Variants in BRD4 observed in about 807,000 individuals in gnomAD.
The protein encoded by BRD4 is bromodomain-containing protein 4.
BRD4 carries 16 observed loss-of-function variants against 142.1 expected under a neutral mutation model. The observed-to-expected ratio is 0.11, with a 90% CI of 0.08 to 0.17. The LOEUF (loss-of-function observed/expected upper bound fraction) is 0.17. Among genes scored for constraint, BRD4 ranks in the 10% least tolerant of loss-of-function variants. The probability of loss-of-function intolerance (pLI) is 1.00; values close to 1 mark genes in which losing one functional copy is unlikely to be tolerated. For missense variants in BRD4, 1,424 were observed against 1,810.9 expected, an observed-to-expected ratio of 0.79 and a Z score of 3.88; for synonymous variants, 833 against 707.5, an observed-to-expected ratio of 1.18 and a Z score of -2.82.
At chr19:15,293,211 C>T (rs891517589) in intron 1 of BRD4, among the ~76,000 whole-genome samples, 1 of 152,164 alleles carries the variant, frequency 6.6e-6, no homozygotes, top group Non-Finnish European at 1.5e-5. Flanking sequence ...AAAAAACAAG[C>T]CTGAAACCAT....
At chr19:15,304,816 T>G (rs1388508023) in intron 1 of BRD4, among the ~76,000 whole-genome samples, 1 of 151,838 alleles carries the variant, frequency 6.6e-6, no homozygotes, top group African/African-American at 2.4e-5. Context: ...CGAGAAGAAA[T>G]CGGTAATTCA....
intron 3 of BRD4, 42 bp from the exon 4 acceptor site, chr19:15,267,593 C>T (rs759707813): frequency 1.9e-6 from 3 of 1,600,930 alleles, no homozygotes; most frequent in Non-Finnish European, 2.5e-6. Flanking sequence ...GGGCCCTCCC[C>T]TCCCCACCTC....
chr19:15,331,383 C>A (rs1196383186), intron 1 of BRD4, among the ~76,000 whole-genome samples: 1 of 152,212 alleles, frequency 6.6e-6, no homozygotes, highest in Non-Finnish European at 1.5e-5. Flanking sequence ...TGAATCACAA[C>A]TCCCCCACAT....
intron 2 of BRD4, among the ~76,000 whole-genome samples, chr19:15,269,282 C>CTAG (rs1255020831): frequency 6.6e-6 from 1 of 152,226 alleles, no homozygotes; most frequent in Non-Finnish European, 1.5e-5. Context: ...AGTTTCCAAC[C>CTAG]ACTCTATCTT....
intron 1 of BRD4, among the ~76,000 whole-genome samples, chr19:15,313,871 C>T (rs1461261737): frequency 6.6e-6 from 1 of 152,144 alleles, no homozygotes; most frequent in Non-Finnish European, 1.5e-5. Context: ...AGCACCCAGA[C>T]AATCCCTGGC....
rs2047417281 is a variant in BRD4, at chr19:15,257,044, C to T, written c.1471G>A (p.Asp491Asn). Residue 491 changes from aspartate to asparagine, a missense_variant, in exon 8 of 20, where the codon GAT becomes AAT. Physicochemically the swap from Asp to Asn is conservative, Grantham distance 23. Around this residue, in one of 16 missense-constraint regions of BRD4, gnomAD observed 90 missense variants for 93.2 expected, o/e 0.97. Coordinates refer to ENST00000679869, the MANE Select transcript of BRD4 (RefSeq NM_001379291.1). The part of the protein sequence containing the change: ...APPSSSDSSS[D>N]SSSDSDSSTD... ...GAACTGTCACTGTCCGAGGAGCTAT[C>T]GCTGCTGCTGTCGCTGGATGAGGGC... 1.4e-5 allele frequency: 23 copies of T among 1,599,876 alleles called. No homozygotes were observed. The highest frequency in any genetic ancestry group is 1.9e-5 in the Non-Finnish European group (22 of 1,175,072).
At chr19:15,293,570 T>C (rs1186504808) in intron 1 of BRD4, among the ~76,000 whole-genome samples, 1 of 152,210 alleles carries the variant, frequency 6.6e-6, no homozygotes, top group African/African-American at 2.4e-5. Flanking sequence ...CGTTAGTCTC[T>C]AGTGGATATG....
rs2048012440 is a variant in BRD4, at chr19:15,315,803, CTGAGA to C, written c.-35+16482_-35+16486del. Among the ~76,000 whole-genome samples the C allele has an allele frequency of 4.6e-5, 7 of 151,340 alleles. No individual in the cohort carries two copies. The South Asian group carries it at 1.5e-3, about 32-fold the overall frequency. On this transcript the variant is annotated intron_variant, in intron 1 of 19. Coordinates refer to ENST00000679869, the MANE Select transcript of BRD4 (RefSeq NM_001379291.1). ...CCCGGGAGGTGGAAGCTGCAGTGAG[CTGAGA>C]TCACACCACTGCACTCCAGCCTGGG...
At chr19:15,327,817 A>G (rs2048121986) in intron 1 of BRD4, among the ~76,000 whole-genome samples, 2 of 148,802 alleles carry the variant, frequency 1.3e-5, no homozygotes, top group Non-Finnish European at 1.5e-5. Flanking sequence ...TATCCATAAC[A>G]GGCAGATCCA....
rs2047419765 is a variant in BRD4 at position 15,257,150 on chromosome 19, G to A, written c.1365C>T (p.Ala455=). The change falls in exon 8 of 20, where the codon GCC becomes GCT. Residue 455 remains alanine, a synonymous_variant. Coordinates refer to ENST00000679869, the MANE Select transcript of BRD4 (RefSeq NM_001379291.1). Reference sequence around the variant, plus strand: ...GCTCCTCAGGCTCGTCCGGCATCTTGGCAAAGCGCATTTCGAACACATCCT... The same window carrying A: ...GCTCCTCAGGCTCGTCCGGCATCTTAGCAAAGCGCATTTCGAACACATCCT... The part of the protein sequence containing the change: ...KLQDVFEMRF[A]KMPDEPEEPV... 2.5e-6 allele frequency: 4 copies of A among 1,607,942 alleles called. No individual in the cohort carries two copies. Among genetic ancestry groups the A allele is most frequent in the Non-Finnish European group, 3.4e-6 (4 of 1,179,288 alleles).
Position 15,244,324 on chromosome 19 carries a change from G to A in BRD4, c.2488C>T (p.Leu830=), listed in dbSNP as rs2145515707. The A allele has an allele frequency of 6.2e-7, 1 of 1,600,078 alleles. No homozygotes were observed. Among genetic ancestry groups the A allele is most frequent in the South Asian group, 1.1e-5 (1 of 88,430 alleles). ...IGHFTQPILH[L]PQPELPPHLP... The stretch of plus-strand genomic sequence containing the variant: ...TGAGGGGGCAGCTCAGGCTGCGGCA[G>A]GTGCAGGATGGGCTGGGTGAAGTGG... The change falls in exon 13 of 20, where the codon CTG becomes TTG. Residue 830 remains leucine (L), a synonymous_variant. Coordinates refer to ENST00000679869, the MANE Select transcript of BRD4 (RefSeq NM_001379291.1).
intron 1 of BRD4, among the ~76,000 whole-genome samples, chr19:15,291,863 G>A (rs922928295): frequency 2.0e-5 from 3 of 152,122 alleles, no homozygotes; most frequent in African/African-American, 7.2e-5. Context: ...ACTTTGCCTA[G>A]ACATTGATTT....
intron 1 of BRD4, among the ~76,000 whole-genome samples, chr19:15,315,690 C>T (rs2048010949): frequency 6.6e-6 from 1 of 152,140 alleles, no homozygotes; most frequent in South Asian, 2.1e-4. Flanking sequence ...CTCATCTCCA[C>T]TAAAAATACA....
At chr19:15,262,534 AAAAAAAAAG>A (rs2047483736) in intron 7 of BRD4, among the ~76,000 whole-genome samples, 1 of 141,460 alleles carries the variant, frequency 7.1e-6, no homozygotes, top group African/African-American at 2.9e-5. Context: ...TAAAAAAAAA[AAAAAAAAAG>A]AAAAAAAAAA....
intron 11 of BRD4, 181 bp from the exon 12 acceptor site, chr19:15,244,943 C>A (rs902898980): frequency 4.6e-6 from 5 of 1,086,970 alleles, no homozygotes; most frequent in Admixed American, 5.4e-5. Flanking sequence ...ACATGCGAGG[C>A]ATCACCTACC....
intron 10 of BRD4, 97 bp downstream of exon 10, chr19:15,255,200 G>A (rs938505338): frequency 1.3e-5 from 14 of 1,072,758 alleles, no homozygotes; most frequent in African/African-American, 4.4e-5. Context: ...AAAAAAAAAA[G>A]GGGGGGGGCG....
At chr19:15,295,346 AGGCTT>A (rs1288472529) in intron 1 of BRD4, among the ~76,000 whole-genome samples, 1 of 152,144 alleles carries the variant, frequency 6.6e-6, no homozygotes, top group Non-Finnish European at 1.5e-5. Flanking sequence ...TCAATACACT[AGGCTT>A]TCTCTGCCGG....
chr19:15,253,470 G>A, intron 11 of BRD4: 2 of 1,347,084 alleles, frequency 1.5e-6, no homozygotes, highest in Non-Finnish European at 1.0e-6. Flanking sequence ...CCAACGTGCA[G>A]ACCCACGGGG....
chr19:15,253,694 A>G (rs2047373499), intron 11 of BRD4: 2 of 1,598,406 alleles, frequency 1.3e-6, no homozygotes, highest in Non-Finnish European at 1.7e-6. Flanking sequence ...ACCAGAAACC[A>G]GCGAAGCATC....
Sources: gnomAD v4.1 joint callset for allele counts (sites outside exome capture counted in the v4.1 genomes callset) on GRCh38, gnomAD v4.1.1 for gene constraint, gnomAD v4.1.1 regional missense constraint, MANE v1.5 for transcripts, NCBI Gene and HGNC (gene_info 2026-07-23, HGNC 2026-07-21) for gene names.